The following TRPC5 variants were observed in gnomAD, a reference collection of about 807,000 sequenced individuals.
The protein encoded by TRPC5 is transient receptor potential cation channel subfamily C member 5, also known as short transient receptor potential channel 5.
A neutral mutation model predicts 56.5 loss-of-function variants in TRPC5; 9 were observed. The ratio of observed to expected loss-of-function variants is 0.16; its 90% CI spans 0.10 to 0.28. The LOEUF (loss-of-function observed/expected upper bound fraction) is 0.28, where lower values mean the gene tolerates loss of function less well. Among genes scored for constraint, TRPC5 ranks in the 10% least tolerant of loss-of-function variants. The probability of loss-of-function intolerance (pLI) is 1.00; values close to 1 mark genes in which losing one functional copy is unlikely to be tolerated. For missense variants in TRPC5, 469 were observed against 748.9 expected (o/e 0.63, Z 4.36); for synonymous variants, 282 against 278.5 (o/e 1.01, Z -0.13).
At chrX:111,898,810 A>G (rs1275077724) in intron 3 of TRPC5, among the ~76,000 whole-genome samples, 1 of 110,737 alleles carries the variant, frequency 9.0e-6, no homozygotes, top group African/African-American at 3.3e-5. Flanking sequence ...TTGAGGGGTA[A>G]GAAATCTGAG....
intron 7 of TRPC5, among the ~76,000 whole-genome samples, chrX:111,815,311 T>C (rs1414730036): frequency 9.0e-6 from 1 of 111,488 alleles, no homozygotes; most frequent in Non-Finnish European, 1.9e-5. Flanking sequence ...CACAAAAAAA[T>C]TATGCTCTGG....
chrX:111,848,647 C>T (rs1922997254), intron 5 of TRPC5, among the ~76,000 whole-genome samples: 1 of 112,360 alleles, frequency 8.9e-6, no homozygotes, highest in Admixed American at 9.5e-5. Flanking sequence ...TCAGTTCCAA[C>T]AACTGAGGAA....
chrX:111,781,846 A>G, intron 8 of TRPC5, 89 bp downstream of exon 8: 1 of 846,457 alleles, frequency 1.2e-6, no homozygotes. Flanking sequence ...CAGTGACCCG[A>G]GACCGTGCCA....
intron 1 of TRPC5, among the ~76,000 whole-genome samples, chrX:112,056,894 G>A (rs1488709720): frequency 8.9e-6 from 1 of 112,368 alleles, no homozygotes; most frequent in Non-Finnish European, 1.9e-5. Flanking sequence ...ATGACTACAT[G>A]CTTAATTGAA....
intron 1 of TRPC5, among the ~76,000 whole-genome samples, chrX:112,017,082 C>T (rs369614316): frequency 1.7e-3 from 195 of 111,729 alleles, no homozygotes; most frequent in African/African-American, 5.8e-3. Flanking sequence ...GGTGCAATCT[C>T]GGCTCACTGC....
intron 1 of TRPC5, among the ~76,000 whole-genome samples, chrX:111,973,843 T>A (rs1400720525): frequency 8.9e-6 from 1 of 112,279 alleles, no homozygotes; most frequent in Non-Finnish European, 1.9e-5. Context: ...GTTATTTATA[T>A]CTATTGTATT....
At chrX:111,838,772 G>T (rs753231565) in intron 6 of TRPC5, among the ~76,000 whole-genome samples, 3 of 111,539 alleles carry the variant, frequency 2.7e-5, no homozygotes, top group Non-Finnish European at 5.6e-5. Flanking sequence ...TCCACAAATA[G>T]ATCACAAAGC....
At chrX:111,821,147 G>A (rs1922017592) in intron 7 of TRPC5, among the ~76,000 whole-genome samples, 1 of 111,184 alleles carries the variant, frequency 9.0e-6, no homozygotes, top group Non-Finnish European at 1.9e-5. Flanking sequence ...TTATGTTCTG[G>A]GAAACTCCTG....
intron 1 of TRPC5, among the ~76,000 whole-genome samples, chrX:112,008,612 A>ATAT (rs1556608395): frequency 1.8e-5 from 2 of 108,484 alleles, no homozygotes; most frequent in African/African-American, 6.8e-5. Flanking sequence ...AAAAAAAAAA[A>ATAT]AAATATAGAG....
chrX:111,916,888 A>G (rs1436277750), intron 2 of TRPC5, among the ~76,000 whole-genome samples: 1 of 113,187 alleles, frequency 8.8e-6, no homozygotes, highest in Admixed American at 9.3e-5. Flanking sequence ...CCTTCGTGCT[A>G]GCACATAAGT....
At chrX:111,914,588 G>C (rs767051673) in intron 2 of TRPC5, among the ~76,000 whole-genome samples, 6 of 112,128 alleles carry the variant, frequency 5.4e-5, no homozygotes, top group African/African-American at 1.6e-4. Context: ...ATCAGCCTCT[G>C]AATAGTTGAA....
chrX:111,922,937 G>A (rs765516823), intron 2 of TRPC5, among the ~76,000 whole-genome samples: 4 of 111,841 alleles, frequency 3.6e-5, no homozygotes, highest in Non-Finnish European at 7.5e-5. Context: ...CCAGGCACAA[G>A]CACAATGCTG....
At chrX:111,995,444 G>A (rs1462374532) in intron 1 of TRPC5, among the ~76,000 whole-genome samples, 1 of 111,505 alleles carries the variant, frequency 9.0e-6, no homozygotes, top group East Asian at 2.8e-4. Context: ...GTGTGTCTCT[G>A]CCAGGCTTTG....
At chrX:111,909,889 T>A in intron 3 of TRPC5, among the ~76,000 whole-genome samples, 1 of 111,723 alleles carries the variant, frequency 9.0e-6, no homozygotes, top group Non-Finnish European at 1.9e-5. Context: ...AGTGATCATA[T>A]GACAAGCAGA....
chrX:111,849,535 G>T (rs1394863223), intron 5 of TRPC5, among the ~76,000 whole-genome samples: 1 of 112,079 alleles, frequency 8.9e-6, no homozygotes, highest in East Asian at 2.8e-4. Context: ...ACCATAGTTT[G>T]CTGACCCCTG....
intron 1 of TRPC5, among the ~76,000 whole-genome samples, chrX:111,954,462 T>C (rs925129057): frequency 8.9e-6 from 1 of 111,777 alleles, no homozygotes; most frequent in Non-Finnish European, 1.9e-5. Flanking sequence ...GTCCAGGCAC[T>C]GCCGAGTGCA....
chrX:111,848,443 G>A (rs1448576565), intron 5 of TRPC5, among the ~76,000 whole-genome samples: 4 of 112,400 alleles, frequency 3.6e-5, no homozygotes, highest in African/African-American at 1.3e-4. Flanking sequence ...AAGTGGAGAT[G>A]TTATGGAAAT....
At position 112,080,391 on chromosome X, in the gene TRPC5, TACATAC is replaced by T. The variant is rs1260817680; in HGVS notation, c.-22+1482_-22+1487del. Among the ~76,000 whole-genome samples, 717 of 82,003 alleles carry T rather than the reference TACATAC, an allele frequency of 8.7e-3. 6 individuals are homozygous for T. The highest frequency in any genetic ancestry group is 0.034 in the African/African-American group (677 of 19,852). The allele number at this position is 82,003 out of a possible 115,157, so 71.2% of individuals were successfully genotyped here. On this transcript the variant is annotated intron_variant, in intron 1 of 10. Transcript: ENST00000262839. ...GGGTTGATTGAGGTCCTTGAAAAACTACATACACACACACACACACACACACACACA... is the reference window on the plus strand; with the variant it reads ...GGGTTGATTGAGGTCCTTGAAAAACTACACACACACACACACACACACACA...
chrX:112,008,615 AT>A (rs1339056200), intron 1 of TRPC5, among the ~76,000 whole-genome samples: 4 of 106,380 alleles, frequency 3.8e-5, no homozygotes, highest in Non-Finnish European at 5.7e-5. Flanking sequence ...AAAAAAAAAA[AT>A]ATAGAGAGAA....
Sources: allele counts gnomAD v4.1 joint callset (sites outside exome capture counted in the v4.1 genomes callset), GRCh38; gene constraint gnomAD v4.1.1; transcripts MANE v1.5; gene names NCBI Gene and HGNC (gene_info 2026-07-23, HGNC 2026-07-21).